The following NPSR1 variants were observed in gnomAD, a reference collection of about 807,000 sequenced individuals.
NPSR1 encodes neuropeptide S receptor 1, also known as neuropeptide S receptor.
A neutral mutation model predicts 46.9 loss-of-function variants in NPSR1; 48 were observed. The ratio of observed to expected loss-of-function variants is 1.02; its 90% CI spans 0.81 to 1.30. The LOEUF (loss-of-function observed/expected upper bound fraction) is 1.30. Among genes scored for constraint, NPSR1 ranks in the 50% most tolerant of loss-of-function variants. The pLI is 0.00. For missense variants in NPSR1, 450 were observed against 449.5 expected (o/e 1.00, Z -0.01); for synonymous variants, 176 against 168.1 (o/e 1.05, Z -0.36).
At chr7:34,751,120 C>T (rs1191118854) in intron 2 of NPSR1, 4 of 842,240 alleles carry the variant, frequency 4.7e-6, no homozygotes, top group Non-Finnish European at 8.4e-6. Context: ...CATCACCAGC[C>T]CCACTGTTTT....
intron 2 of NPSR1, among the ~76,000 whole-genome samples, chr7:34,702,100 G>A (rs1415036867): frequency 6.6e-6 from 1 of 152,180 alleles, no homozygotes; most frequent in Non-Finnish European, 1.5e-5. Context: ...TATTTCTACT[G>A]TATTAAAGGA....
rs771594091 is a variant in NPSR1, at chr7:34,778,424, A to G, written c.281-38A>G. On this transcript the variant is annotated intron_variant, in intron 2 of 8. Transcript: ENST00000360581. Reference sequence around the variant, plus strand: ...GCAAATTTGAAAAATAAAAATAAAAATAAACCCTGAATGTAAGCACTTGTA... The same window carrying G: ...GCAAATTTGAAAAATAAAAATAAAAGTAAACCCTGAATGTAAGCACTTGTA... 5 of 1,190,178 alleles carry G rather than the reference A, an allele frequency of 4.2e-6. No individual in the cohort carries two copies. In the South Asian group the frequency reaches 5.3e-5, roughly 13 times the overall value. 73.7% of individuals were successfully genotyped at this position (1,190,178 alleles called of 1,614,324 possible). A position where few individuals can be genotyped will look rare whatever the true frequency, so the allele number is the denominator to read the frequency against.
At chr7:34,809,490 G>T (rs1341216218) in intron 3 of NPSR1, among the ~76,000 whole-genome samples, 1 of 135,678 alleles carries the variant, frequency 7.4e-6, no homozygotes. Context: ...TTGAGACGGA[G>T]TCTCGCTCTG....
chr7:34,870,754 G>T (rs1791432061), intron 8 of NPSR1, among the ~76,000 whole-genome samples: 1 of 151,756 alleles, frequency 6.6e-6, no homozygotes, highest in Non-Finnish European at 1.5e-5. Context: ...TGAAAATCTT[G>T]TGAGGCTCTG....
intron 2 of NPSR1, among the ~76,000 whole-genome samples, chr7:34,713,721 AG>A (rs1171230549): frequency 6.6e-6 from 1 of 152,308 alleles, no homozygotes. Flanking sequence ...TTGCTGGCAA[AG>A]CTCTGCATAG....
At chr7:34,742,697 C>T (rs959773086) in intron 2 of NPSR1, among the ~76,000 whole-genome samples, 8 of 152,118 alleles carry the variant, frequency 5.3e-5, no homozygotes, top group Admixed American at 5.2e-4. Flanking sequence ...AATGGAAATG[C>T]TGGGTCAAAT....
intron 2 of NPSR1, among the ~76,000 whole-genome samples, chr7:34,756,552 C>T (rs187513334): frequency 7.9e-4 from 120 of 152,320 alleles, no homozygotes; most frequent in Non-Finnish European, 1.4e-3. Context: ...GGCATTGTAA[C>T]ATGAAAGCAG....
chr7:34,861,655 G>C (rs568122616), intron 8 of NPSR1, among the ~76,000 whole-genome samples: 30 of 151,814 alleles, frequency 2.0e-4, no homozygotes, highest in African/African-American at 7.3e-4. Flanking sequence ...CTTAATGAAC[G>C]CACAGGTAAT....
intron 8 of NPSR1, among the ~76,000 whole-genome samples, chr7:34,870,552 A>G (rs1023458904): frequency 6.6e-6 from 1 of 151,728 alleles, no homozygotes; most frequent in Non-Finnish European, 1.5e-5. Flanking sequence ...GATATTCACA[A>G]TGTGAATGCC....
At chr7:34,870,132 G>C (rs1791416094) in intron 8 of NPSR1, among the ~76,000 whole-genome samples, 1 of 151,834 alleles carries the variant, frequency 6.6e-6, no homozygotes, top group African/African-American at 2.4e-5. Context: ...AGCAGTTTTG[G>C]ACTCAAGAGG....
intron 4 of NPSR1, among the ~76,000 whole-genome samples, chr7:34,813,821 A>G (rs1364761114): frequency 6.6e-6 from 1 of 152,228 alleles, no homozygotes; most frequent in Non-Finnish European, 1.5e-5. Context: ...GAACATATCA[A>G]TGTGTTGTGT....
In NPSR1 at chr7:34,751,025, T is replaced by G. The variant is rs1485834171; in HGVS notation, c.281-27437T>G. On this transcript the variant is annotated intron_variant, in intron 2 of 8. Transcript: ENST00000360581. ...AGAACTTCTTGGCCAGGGCAGCAAT[T>G]TGAGACTCAGGGTTGATGAGCAGCA... 3.9e-6 allele frequency: 3 copies of G among 772,596 alleles called. No homozygotes were observed. In the Admixed American group the frequency reaches 5.1e-5, roughly 13 times the overall value. 47.9% of individuals were successfully genotyped at this position (772,596 alleles called of 1,614,324 possible).
At chr7:34,756,958 G>T (rs1183739242) in intron 2 of NPSR1, among the ~76,000 whole-genome samples, 2 of 152,144 alleles carry the variant, frequency 1.3e-5, no homozygotes, top group African/African-American at 4.8e-5. Context: ...GAAATTATAT[G>T]ATTGCCTTCT....
At chr7:34,685,743 T>C in intron 2 of NPSR1, 1 of 404,042 alleles carries the variant, frequency 2.5e-6, no homozygotes, top group Non-Finnish European at 4.8e-6. Flanking sequence ...TTTTTCTTTC[T>C]AACAAAGTAT....
intron 3 of NPSR1, among the ~76,000 whole-genome samples, chr7:34,786,623 A>T (rs1051308434): frequency 6.6e-6 from 1 of 152,146 alleles, no homozygotes; most frequent in Admixed American, 6.6e-5. Context: ...GCCTTACAAA[A>T]TGTATTTCTT....
At chr7:34,837,197 T>C (rs1159394175) in intron 6 of NPSR1, among the ~76,000 whole-genome samples, 1 of 152,222 alleles carries the variant, frequency 6.6e-6, no homozygotes, top group Non-Finnish European at 1.5e-5. Flanking sequence ...ACCTAAATCA[T>C]ACAATTGAAA....
chr7:34,867,527 C>T (rs1226834749), intron 8 of NPSR1, among the ~76,000 whole-genome samples: 1 of 151,906 alleles, frequency 6.6e-6, no homozygotes, highest in Admixed American at 6.5e-5. Flanking sequence ...GCCCACTGGC[C>T]AGTAACATCA....
chr7:34,803,241 C>T (rs1490629994), intron 3 of NPSR1, among the ~76,000 whole-genome samples: 2 of 151,906 alleles, frequency 1.3e-5, no homozygotes, highest in African/African-American at 4.9e-5. Context: ...GACTATAAAT[C>T]ATGCTGCTAT....
intron 2 of NPSR1, among the ~76,000 whole-genome samples, chr7:34,689,136 C>T (rs1014681702): frequency 6.6e-6 from 1 of 152,192 alleles, no homozygotes; most frequent in Admixed American, 6.5e-5. Flanking sequence ...GCCCCCACTC[C>T]AGAACTAAGC....
Sources: gnomAD v4.1 joint callset for allele counts (sites outside exome capture counted in the v4.1 genomes callset) on GRCh38, gnomAD v4.1.1 for gene constraint, MANE v1.5 for transcripts, NCBI Gene and HGNC (gene_info 2026-07-23, HGNC 2026-07-21) for gene names.